Variants in ERAP1 observed in about 807,000 individuals in gnomAD.
The protein encoded by ERAP1 is endoplasmic reticulum aminopeptidase 1, also known as adipocyte-derived leucine aminopeptidase.
In ERAP1, 86 loss-of-function variants were observed where a neutral mutation model predicts 103.7. That is an observed-to-expected ratio of 0.83 (90% CI 0.70 to 0.99). The LOEUF (loss-of-function observed/expected upper bound fraction) is 0.99. Among genes scored for constraint, ERAP1 ranks in the 50% least tolerant of loss-of-function variants. The pLI is 0.00. For missense variants in ERAP1, 1,009 were observed against 1,128.4 expected (o/e 0.89, Z 1.52); for synonymous variants, 398 against 402.4 (o/e 0.99, Z 0.13).
the ERAP1 span, among the ~76,000 whole-genome samples, chr5:96,839,796 C>T: frequency 6.6e-6 from 1 of 152,188 alleles, no homozygotes; most frequent in African/African-American, 2.4e-5. Context: ...GAAACAATCT[C>T]TACCCTCAAC....
chr5:96,782,650 G>A (rs552295601), intron 15 of ERAP1, among the ~76,000 whole-genome samples: 7 of 152,232 alleles, frequency 4.6e-5, no homozygotes, highest in South Asian at 2.1e-4. Context: ...TTCCAGATAC[G>A]GTAAAATCCT....
At chr5:96,900,229 G>A in the ERAP1 span, 1 of 1,611,748 alleles carries the variant, frequency 6.2e-7, no homozygotes, top group Non-Finnish European at 8.5e-7. Flanking sequence ...GAGATCTGTG[G>A]AATAGCCTGA....
At chr5:96,763,308 A>T in intron 19 of ERAP1, 1 of 778,446 alleles carries the variant, frequency 1.3e-6, no homozygotes, top group Non-Finnish European at 2.4e-6. Flanking sequence ...ATAATCCTGG[A>T]TTATAATAAA....
chr5:96,915,089 C>A, the ERAP1 span, among the ~76,000 whole-genome samples: 1 of 151,980 alleles, frequency 6.6e-6, no homozygotes, highest in Admixed American at 6.6e-5. Flanking sequence ...CTCACTGCAA[C>A]CTCCACCTCC....
the ERAP1 span, among the ~76,000 whole-genome samples, chr5:96,859,829 G>A: frequency 6.6e-6 from 1 of 152,120 alleles, no homozygotes; most frequent in Non-Finnish European, 1.5e-5. Context: ...ATTGACATCA[G>A]CCTAATAACA....
chr5:96,931,945 A>G, the ERAP1 span, among the ~76,000 whole-genome samples: 1 of 152,228 alleles, frequency 6.6e-6, no homozygotes, highest in Non-Finnish European at 1.5e-5. Flanking sequence ...CATTTAAACT[A>G]GTTTTACTCA....
chr5:96,894,559 A>G, the ERAP1 span, among the ~76,000 whole-genome samples: 1 of 152,234 alleles, frequency 6.6e-6, no homozygotes, highest in African/African-American at 2.4e-5. Context: ...AAAGCACATA[A>G]AAGAATAGTA....
chr5:96,855,131 A>G, the ERAP1 span, among the ~76,000 whole-genome samples: 1 of 152,164 alleles, frequency 6.6e-6, no homozygotes. Context: ...TGTTGGGGGA[A>G]ATTGCATAAA....
the ERAP1 span, among the ~76,000 whole-genome samples, chr5:96,844,604 A>G: frequency 6.6e-6 from 1 of 152,240 alleles, no homozygotes; most frequent in Admixed American, 6.5e-5. Flanking sequence ...TCCTGAGAGA[A>G]ATAGGAACGT....
At chr5:96,807,195 G>A (rs1257894904) in intron 1 of ERAP1, among the ~76,000 whole-genome samples, 1 of 152,164 alleles carries the variant, frequency 6.6e-6, no homozygotes, top group Non-Finnish European at 1.5e-5. Context: ...TTTAATTTGC[G>A]TCAACAGAGG....
the ERAP1 span, among the ~76,000 whole-genome samples, chr5:96,883,601 A>G: frequency 6.6e-6 from 1 of 152,218 alleles, no homozygotes; most frequent in African/African-American, 2.4e-5. Flanking sequence ...GGCATTGCTT[A>G]TGATTGATGG....
the ERAP1 span, among the ~76,000 whole-genome samples, chr5:96,890,600 T>C: frequency 6.6e-6 from 1 of 152,240 alleles, no homozygotes; most frequent in East Asian, 1.9e-4. Context: ...TTTTTTCCTT[T>C]GGAATTTAGG....
chr5:96,900,609 G>T, the ERAP1 span, among the ~76,000 whole-genome samples: 1 of 151,950 alleles, frequency 6.6e-6, no homozygotes, highest in African/African-American at 2.4e-5. Context: ...GTCATCACAG[G>T]GGAAGAAAGG....
the ERAP1 span, chr5:96,895,154 T>TAA: frequency 1.5e-3 from 1,004 of 673,876 alleles, no homozygotes; most frequent in South Asian, 3.1e-3. Context: ...TCCTAACTAA[T>TAA]AAAAAAAAAG....
At chr5:96,864,480 G>C in the ERAP1 span, among the ~76,000 whole-genome samples, 1 of 151,992 alleles carries the variant, frequency 6.6e-6, no homozygotes, top group East Asian at 1.9e-4. Flanking sequence ...AAAGTCTCAG[G>C]TTTACTTTGC....
At chr5:96,868,844 G>A in the ERAP1 span, among the ~76,000 whole-genome samples, 1 of 152,030 alleles carries the variant, frequency 6.6e-6, no homozygotes, top group Non-Finnish European at 1.5e-5. Flanking sequence ...AGTTATTCAA[G>A]CATTCAAATT....
intron 17 of ERAP1, 54 bp downstream of exon 17, chr5:96,781,004 C>A (rs747503552): frequency 6.2e-7 from 1 of 1,606,882 alleles, no homozygotes; most frequent in African/African-American, 1.3e-5. Context: ...AAGGCTAAAA[C>A]ACAGTAAGGT....
At chr5:96,843,005 T>G in the ERAP1 span, among the ~76,000 whole-genome samples, 1 of 152,198 alleles carries the variant, frequency 6.6e-6, no homozygotes, top group Non-Finnish European at 1.5e-5. Context: ...CATTCCTTAA[T>G]TGACTTGCCA....
At chr5:96,781,307 G>A (rs1775135372) in intron 16 of ERAP1, 109 bp from the exon 17 acceptor site, 2 of 1,143,464 alleles carry the variant, frequency 1.7e-6, no homozygotes, top group East Asian at 2.4e-5. Context: ...CAGTAACAAA[G>A]GTTAAAAAGA....
Sources: gnomAD v4.1 joint callset for allele counts (sites outside exome capture counted in the v4.1 genomes callset) on GRCh38, gnomAD v4.1.1 for gene constraint, MANE v1.5 for transcripts, NCBI Gene and HGNC (gene_info 2026-07-23, HGNC 2026-07-21) for gene names.